Variants in TIAM2 observed in about 807,000 individuals in gnomAD.
The protein encoded by TIAM2 is TIAM Rac1 associated GEF 2, also known as rho guanine nucleotide exchange factor TIAM2.
In TIAM2, 80 loss-of-function variants were observed where a neutral mutation model predicts 152.9. That is an observed-to-expected ratio of 0.52 (90% confidence interval 0.44 to 0.63). TIAM2 has a LOEUF of 0.63. Ranked by LOEUF, TIAM2 falls within the 30% of genes least tolerant of loss-of-function variation. The pLI is 0.00. For synonymous variants in TIAM2, 804 were observed against 838.0 expected, an observed-to-expected ratio of 0.96 and a Z score of 0.70; for missense variants, 1,965 against 2,120.1, an observed-to-expected ratio of 0.93 and a Z score of 1.44.
chr6:155,007,416 G>A (rs549108446), intron 1 of TIAM2, among the ~76,000 whole-genome samples: 2 of 145,982 alleles, frequency 1.4e-5, no homozygotes, highest in East Asian at 2.0e-4. Flanking sequence ...AGGGAGTCTC[G>A]CTCTGTCGCC....
intron 5 of TIAM2, among the ~76,000 whole-genome samples, chr6:155,140,302 C>T (rs1779661860): frequency 6.6e-6 from 1 of 152,064 alleles, no homozygotes; most frequent in African/African-American, 2.4e-5. Context: ...AACATGTTCC[C>T]TTAAGGGGTA....
At chr6:155,256,461 GA>G in intron 26 of TIAM2, 22 bp from the exon 27 acceptor site, 1 of 1,613,916 alleles carries the variant, frequency 6.2e-7, no homozygotes, top group Non-Finnish European at 8.5e-7. Context: ...GTATCACAGC[GA>G]AATGTGTTTT....
At chr6:155,062,216 C>G (rs1225721389) in intron 1 of TIAM2, among the ~76,000 whole-genome samples, 2 of 152,026 alleles carry the variant, frequency 1.3e-5, no homozygotes, top group African/African-American at 2.4e-5. Flanking sequence ...TATGCAGTCA[C>G]TCTTTGTTAA....
Position 155,130,282 on chromosome 6 carries a change from C to T in TIAM2, c.1059C>T (p.Tyr353=). 6.2e-7 allele frequency: 1 copy of T among 1,614,192 alleles called. No homozygotes were observed. The highest frequency in any genetic ancestry group is 1.7e-5 in the Admixed American group (1 of 60,026). Residue 353 remains tyrosine (Y), a synonymous_variant, in exon 4 of 27, where the codon TAC becomes TAT. Coordinates refer to ENST00000682666, the MANE Select transcript of TIAM2 (RefSeq NM_012454.4). ...TGGCACACGGGGACCCCATCCAGTA[C>T]AGTTCCTTCACTCTCCCCTGTCGGA... ...SRVAHGDPIQ[Y]SSFTLPCRKP...
intron 1 of TIAM2, among the ~76,000 whole-genome samples, chr6:155,070,023 C>T (rs573452891): frequency 6.7e-6 from 1 of 149,896 alleles, no homozygotes; most frequent in South Asian, 2.1e-4. Context: ...TCCTGTGCCT[C>T]AGCCTCCCGA....
intron 2 of TIAM2, among the ~76,000 whole-genome samples, chr6:155,109,247 G>A (rs1778775966): frequency 6.6e-6 from 1 of 152,166 alleles, no homozygotes; most frequent in Non-Finnish European, 1.5e-5. Flanking sequence ...GCCTCCCAAA[G>A]TGCTGGGATT....
chr6:155,256,390 C>G (rs1375559102), intron 26 of TIAM2, 94 bp from the exon 27 acceptor site: 1 of 1,548,090 alleles, frequency 6.5e-7, no homozygotes, highest in East Asian at 2.3e-5. Context: ...AAAATAAAAT[C>G]TTAATGTTAA....
intron 7 of TIAM2, among the ~76,000 whole-genome samples, chr6:155,161,512 G>A (rs946587287): frequency 1.3e-5 from 2 of 151,598 alleles, no homozygotes; most frequent in African/African-American, 4.9e-5. Context: ...ACAAGAGATT[G>A]TCTTCTTCCC....
At chr6:155,057,707 G>A (rs182536130) in intron 1 of TIAM2, among the ~76,000 whole-genome samples, 106 of 151,674 alleles carry the variant, frequency 7.0e-4, no homozygotes, top group Non-Finnish European at 1.3e-3. Flanking sequence ...CACCATGCCC[G>A]GCTAACTTTT....
intron 1 of TIAM2, among the ~76,000 whole-genome samples, chr6:155,083,674 G>T (rs535986602): frequency 6.6e-6 from 1 of 152,200 alleles, no homozygotes; most frequent in East Asian, 1.9e-4. Context: ...AATGAAGAAA[G>T]TCACTTTGCC....
intron 8 of TIAM2, 42 bp from the exon 9 acceptor site, chr6:155,165,221 T>C (rs752144499): frequency 3.8e-6 from 6 of 1,572,394 alleles, no homozygotes; most frequent in Non-Finnish European, 5.2e-6. Flanking sequence ...GCCACTCAAA[T>C]ACTAAGCCTT....
Position 155,245,363 on chromosome 6 carries a change from G to T in TIAM2, c.3544-260G>T, listed in dbSNP as rs562510591. Among the ~76,000 whole-genome samples the T allele has an allele frequency of 3.9e-5, 6 of 152,294 alleles. No individual in the cohort carries two copies. The South Asian group carries it at 1.2e-3, about 32-fold the overall frequency. On this transcript the variant is annotated intron_variant, in intron 18 of 26. Coordinates refer to ENST00000682666, the MANE Select transcript of TIAM2 (RefSeq NM_012454.4). ...ATCCCACCTTGTCAGCTGTATTTTT[G>T]TAGAACTTTCTTTGTTTCTTGTCCT...
At chr6:155,015,256 T>C (rs1778553012) in intron 1 of TIAM2, among the ~76,000 whole-genome samples, 1 of 152,184 alleles carries the variant, frequency 6.6e-6, no homozygotes, top group South Asian at 2.1e-4. Flanking sequence ...ATGATGCTAC[T>C]CTACTAATGG....
At chr6:155,194,707 A>G (rs1781294046) in intron 14 of TIAM2, among the ~76,000 whole-genome samples, 1 of 152,222 alleles carries the variant, frequency 6.6e-6, no homozygotes, top group South Asian at 2.1e-4. Context: ...CAAGACTCAG[A>G]ATATGAGAAA....
chr6:155,064,972 G>T (rs1198566786), intron 1 of TIAM2, among the ~76,000 whole-genome samples: 1 of 124,892 alleles, frequency 8.0e-6, no homozygotes, highest in Non-Finnish European at 1.8e-5. Flanking sequence ...TGTTGTCATT[G>T]TTGAGATAGT....
intron 2 of TIAM2, among the ~76,000 whole-genome samples, chr6:155,121,697 G>A (rs1779154122): frequency 6.6e-6 from 1 of 152,226 alleles, no homozygotes; most frequent in Admixed American, 6.5e-5. Context: ...CCTGGGACTA[G>A]GATGAGGGTC....
At chr6:155,056,167 CT>C (rs763205169) in intron 1 of TIAM2, among the ~76,000 whole-genome samples, 5,938 of 98,700 alleles carry the variant, frequency 0.06, 55 homozygotes, top group Non-Finnish European at 0.075. Flanking sequence ...TATTGTTCTT[CT>C]TTTTTTTTTT....
At chr6:155,164,331 A>C (rs1780361146) in intron 7 of TIAM2, 84 bp from the exon 8 acceptor site, 2 of 1,340,882 alleles carry the variant, frequency 1.5e-6, no homozygotes, top group Non-Finnish European at 2.0e-6. Context: ...TTTTTTCTTC[A>C]AGTTTGTGAA....
chr6:154,996,907 A>G (rs1778222303), intron 1 of TIAM2, among the ~76,000 whole-genome samples: 1 of 152,214 alleles, frequency 6.6e-6, no homozygotes, highest in African/African-American at 2.4e-5. Flanking sequence ...AATGTAAAAG[A>G]ACATGGCAAG....
Sources: allele counts gnomAD v4.1 joint callset (sites outside exome capture counted in the v4.1 genomes callset), GRCh38; gene constraint gnomAD v4.1.1; transcripts MANE v1.5; gene names NCBI Gene and HGNC (gene_info 2026-07-23, HGNC 2026-07-21).